The following SZT2 variants were observed in gnomAD, a reference collection of about 807,000 sequenced individuals.
The protein encoded by SZT2 is SZT2 subunit of KICSTOR complex.
A neutral mutation model predicts 404.2 loss-of-function variants in SZT2; 216 were observed. The ratio of observed to expected loss-of-function variants is 0.53; its 90% CI spans 0.48 to 0.60. The LOEUF (loss-of-function observed/expected upper bound fraction) is 0.60. Among genes scored for constraint, SZT2 ranks in the 20% least tolerant of loss-of-function variants. The pLI is 0.00. For missense variants in SZT2, 3,857 were observed against 4,459.2 expected (o/e 0.86, Z 3.85); for synonymous variants, 1,693 against 1,749.9 (o/e 0.97, Z 0.81).
chr1:43,426,133 T>C lies in SZT2; in HGVS notation c.3025T>C (p.Phe1009Leu), dbSNP rs927765995. 6.2e-7 allele frequency: 1 copy of C among 1,614,188 alleles called. No homozygotes were observed. The highest frequency in any genetic ancestry group is 8.5e-7 in the Non-Finnish European group (1 of 1,180,020). Reference protein sequence around the residue: ...LPQCQQLQMFFLLLAREPEGV... With the variant: ...LPQCQQLQMFLLLLAREPEGV... ...ACAGTGCCAGCAGCTCCAGATGTTC[T>C]TCCTCTTGCTTGCCAGAGGTAGGTG... The change falls in exon 21 of 72, where the codon TTC becomes CTC. Residue 1009 changes from phenylalanine (F) to leucine (L), a missense_variant. Coordinates refer to ENST00000634258, the MANE Select transcript of SZT2 (RefSeq NM_001365999.1). This position sits in a 1 kb window ranked among gnomAD's most constrained non-coding sequence, Gnocchi z 4.9.
In SZT2 at chr1:43,431,244, A is replaced by G. The variant is rs775217688; in HGVS notation, c.4917-21A>G. On this transcript the variant is annotated intron_variant, in intron 33 of 71. Coordinates refer to ENST00000634258, the MANE Select transcript of SZT2 (RefSeq NM_001365999.1). ...GTAGGATAGTAACTCCTGACCTTTG[A>G]CTTGTTCCCACCCTGTTCAGGTCAA... 10 of 1,587,464 alleles carry G rather than the reference A, an allele frequency of 6.3e-6. No individual in the cohort carries two copies. In the South Asian group the frequency reaches 1.0e-4, roughly 17 times the overall value.
At position 43,416,595 on chromosome 1, in the gene SZT2, T is replaced by C; in HGVS notation, c.833T>C (p.Leu278Pro). The C allele has an allele frequency of 6.3e-7, 1 of 1,598,376 alleles. No individual in the cohort carries two copies. Among genetic ancestry groups the C allele is most frequent in the South Asian group, 1.1e-5 (1 of 91,042 alleles). Reference sequence around the variant, plus strand: ...CCTGATGTTGCTGTCTGTGAGACACTGCTGAACCAGCTTCGCAGTGGCACT... The same window carrying C: ...CCTGATGTTGCTGTCTGTGAGACACCGCTGAACCAGCTTCGCAGTGGCACT... ...SVPDVAVCET[L>P]LNQLRSGTVA... Residue 278 changes from leucine (L) to proline (P), a missense_variant, in exon 7 of 72, where the codon CTG becomes CCG. Physicochemically the swap from Leu to Pro is moderately conservative, Grantham distance 98 (BLOSUM62 -3). Transcript: ENST00000634258.
At position 43,452,972 on chromosome 1, in the gene SZT2, C is replaced by T; in HGVS notation, c.*2492C>T. The T allele has an allele frequency of 1.2e-6, 2 of 1,608,278 alleles. No individual in the cohort carries two copies. The highest frequency in any genetic ancestry group is 2.2e-5 in the South Asian group (2 of 89,850). The stretch of plus-strand genomic sequence containing the variant: ...TGCCACAGCACCCTTGCAAGGAACA[C>T]TCAACTTCCTGCCCATCAAGCAATG... On this transcript the variant is annotated 3_prime_UTR_variant, in exon 72 of 72. Coordinates refer to ENST00000634258, the MANE Select transcript of SZT2 (RefSeq NM_001365999.1).
In SZT2 at chr1:43,431,243, G is replaced by A. The variant is rs566043429; in HGVS notation, c.4917-22G>A. The A allele has an allele frequency of 6.4e-5, 102 of 1,587,646 alleles. 1 individual carries two copies. In the South Asian group the frequency reaches 1.0e-3, roughly 16 times the overall value. On this transcript the variant is annotated intron_variant, in intron 33 of 71. Transcript: ENST00000634258. ...GGTAGGATAGTAACTCCTGACCTTT[G>A]ACTTGTTCCCACCCTGTTCAGGTCA...
chr1:43,437,393 G>C lies in SZT2; in HGVS notation c.6188-13G>C. On this transcript the variant is annotated splice_polypyrimidine_tract_variant and intron_variant, in intron 43 of 71. Transcript: ENST00000634258. This position sits in a 1 kb window ranked among gnomAD's most constrained non-coding sequence, Gnocchi z 5.3. ...GGAAAAGGCAGTTTCCTGAGCCCATGTTATTCCCCCAGCCATCCAGGCCCT... is the reference window on the plus strand; with the variant it reads ...GGAAAAGGCAGTTTCCTGAGCCCATCTTATTCCCCCAGCCATCCAGGCCCT... 6.2e-7 allele frequency: 1 copy of C among 1,614,138 alleles called. No individual in the cohort carries two copies. Among genetic ancestry groups the C allele is most frequent in the South Asian group, 1.1e-5 (1 of 91,072 alleles).
chr1:43,403,905 A>G (rs1456707631), intron 3 of SZT2, 131 bp downstream of exon 3: 1 of 1,042,842 alleles, frequency 9.6e-7, no homozygotes, highest in Non-Finnish European at 1.4e-6. Context: ...TAAAGGAATG[A>G]TGGGTGTTTA....
At chr1:43,390,212 C>T (rs1648117478) in intron 1 of SZT2, among the ~76,000 whole-genome samples, 1 of 152,218 alleles carries the variant, frequency 6.6e-6, no homozygotes, top group Admixed American at 6.5e-5. Context: ...AGTAACTGTT[C>T]GCTTTGTTTT....
At chr1:43,394,205 TC>T in intron 1 of SZT2, 39 of 255,720 alleles carry the variant, frequency 1.5e-4, no homozygotes, top group Non-Finnish European at 2.4e-4. Context: ...GCCCATCAAC[TC>T]TTTTTTTTTT....
chr1:43,418,894 A>G (rs1557538064), intron 7 of SZT2, among the ~76,000 whole-genome samples: 1 of 152,226 alleles, frequency 6.6e-6, no homozygotes, highest in Admixed American at 6.5e-5. Context: ...GTATGTAATC[A>G]GTGGGTTATG....
At position 43,451,932 on chromosome 1, in the gene SZT2, T is replaced by G. The variant is rs902948476; in HGVS notation, c.*1452T>G. The G allele has an allele frequency of 1.9e-6, 3 of 1,612,730 alleles. No individual in the cohort carries two copies. The highest frequency in any genetic ancestry group is 4.5e-5 in the East Asian group (2 of 44,824). On this transcript the variant is annotated 3_prime_UTR_variant, in exon 72 of 72. Coordinates refer to ENST00000634258, the MANE Select transcript of SZT2 (RefSeq NM_001365999.1). The stretch of plus-strand genomic sequence containing the variant: ...AGAAGGAGAGACAGGGCTGGGGTCG[T>G]ACCCTGCTGGGGCGTGTCCAGGAAG...
In SZT2 at chr1:43,451,930, C is replaced by A. The variant is rs111686948; in HGVS notation, c.*1450C>A. The stretch of plus-strand genomic sequence containing the variant: ...ACAGAAGGAGAGACAGGGCTGGGGT[C>A]GTACCCTGCTGGGGCGTGTCCAGGA... On this transcript the variant is annotated 3_prime_UTR_variant, in exon 72 of 72. Coordinates refer to ENST00000634258, the MANE Select transcript of SZT2 (RefSeq NM_001365999.1). The A allele has an allele frequency of 1.2e-6, 2 of 1,612,424 alleles. No individual in the cohort carries two copies. Among genetic ancestry groups the A allele is most frequent in the African/African-American group, 2.7e-5 (2 of 74,878 alleles).
chr1:43,453,725 C>G lies in SZT2; in HGVS notation c.*3245C>G. 1 of 1,390,658 alleles carries G rather than the reference C, an allele frequency of 7.2e-7. No homozygotes were observed. Among genetic ancestry groups the G allele is most frequent in the East Asian group, 3.0e-5 (1 of 33,164 alleles). The allele number at this position is 1,390,658 out of a possible 1,614,324, so 86.1% of individuals were successfully genotyped here. A position where few individuals can be genotyped will look rare whatever the true frequency, so the allele number is the denominator to read the frequency against. ...AGCCCGAGCTGCCCGCGGCCCGCAC[C>G]CGCGCGGGGAGGCCGGAGAGCTCGG... On this transcript the variant is annotated 3_prime_UTR_variant, in exon 72 of 72. Transcript: ENST00000634258.
At position 43,441,749 on chromosome 1, in the gene SZT2, T is replaced by C; in HGVS notation, c.7673T>C (p.Leu2558Pro). 1.2e-6 allele frequency: 2 copies of C among 1,614,210 alleles called. No homozygotes were observed. The highest frequency in any genetic ancestry group is 1.7e-6 in the Non-Finnish European group (2 of 1,180,038). Residue 2558 changes from leucine to proline, a missense_variant, in exon 55 of 72, where the codon CTG becomes CCG. Leu to Pro is a moderately conservative substitution (Grantham distance 98). Around this residue, in one of 7 missense-constraint regions of SZT2, gnomAD observed 573 missense variants for 592.4 expected, o/e 0.97. Transcript: ENST00000634258. The surrounding 1 kb of genome is among the most constrained non-coding windows in gnomAD (Gnocchi z 4.8). ...MVSRFLLPSI[L>P]SEFTALVTSM... is the part of the protein sequence containing the mutation. ...TCCCGGTTCCTCCTTCCATCCATCC[T>C]GTCTGAGTTCACCGCACTGGTCACC...
Position 43,442,684 on chromosome 1 carries a change from C to T in SZT2, c.8151+66C>T, listed in dbSNP as rs1188319990. On this transcript the variant is annotated intron_variant, in intron 58 of 71. Coordinates refer to ENST00000634258, the MANE Select transcript of SZT2 (RefSeq NM_001365999.1). This position sits in a 1 kb window ranked among gnomAD's most constrained non-coding sequence, Gnocchi z 4.5. The stretch of plus-strand genomic sequence containing the variant: ...AGGGGTCAGTTAAAGGAAAAACCAG[C>T]TCAGAAGCCAGAAAGATGGGACAGA... The T allele has an allele frequency of 6.5e-7, 1 of 1,535,680 alleles. No homozygotes were observed. The highest frequency in any genetic ancestry group is 8.7e-7 in the Non-Finnish European group (1 of 1,143,036).
rs754901709 is a variant in SZT2, at chr1:43,422,439, G to A, written c.1770-41G>A. 5 of 1,527,102 alleles carry A rather than the reference G, an allele frequency of 3.3e-6. No individual in the cohort carries two copies. The South Asian group carries it at 3.8e-5, about 12-fold the overall frequency. 94.6% of individuals were successfully genotyped at this position (1,527,102 alleles called of 1,614,324 possible). Reference sequence around the variant, plus strand: ...AGTCTATTCCTTTTCTCCAAGCCTGGGGCCTGGAGGTCTAACCTCAGTCCA... The same window carrying A: ...AGTCTATTCCTTTTCTCCAAGCCTGAGGCCTGGAGGTCTAACCTCAGTCCA... On this transcript the variant is annotated intron_variant, in intron 12 of 71. Coordinates refer to ENST00000634258, the MANE Select transcript of SZT2 (RefSeq NM_001365999.1).
chr1:43,403,335 C>T (rs1200234402), intron 2 of SZT2, 33 bp downstream of exon 2: 3 of 1,604,188 alleles, frequency 1.9e-6, no homozygotes, highest in Admixed American at 1.7e-5. Flanking sequence ...GTGTGAGGGG[C>T]CAGCCCAGAA....
At position 43,442,164 on chromosome 1, in the gene SZT2, T is replaced by C; in HGVS notation, c.7873+34T>C. On this transcript the variant is annotated intron_variant, in intron 56 of 71. Transcript: ENST00000634258. The surrounding 1 kb of genome is among the most constrained non-coding windows in gnomAD (Gnocchi z 4.5). ...ATGGCCCGGGGGGGCGGGGGGCGGG[T>C]AGGCTAAGAGTAACTGGTGGGGTCT... 1 of 787,406 alleles carries C rather than the reference T, an allele frequency of 1.3e-6. No homozygotes were observed. The highest frequency in any genetic ancestry group is 2.1e-6 in the Non-Finnish European group (1 of 487,352). 48.8% of individuals were successfully genotyped at this position (787,406 alleles called of 1,614,324 possible). A position where few individuals can be genotyped will look rare whatever the true frequency, so the allele number is the denominator to read the frequency against.
In SZT2 at chr1:43,447,537, T is replaced by C. The variant is rs183871754; in HGVS notation, c.9287-8T>C. On this transcript the variant is annotated splice_polypyrimidine_tract_variant and splice_region_variant and intron_variant, in intron 66 of 71. Coordinates refer to ENST00000634258, the MANE Select transcript of SZT2 (RefSeq NM_001365999.1). Reference sequence around the variant, plus strand: ...AGTGTCTGCTGTCTCCTGTTACTTATCCCTCAGGGACATTGGAGCTCCCCA... The same window carrying C: ...AGTGTCTGCTGTCTCCTGTTACTTACCCCTCAGGGACATTGGAGCTCCCCA... The C allele has an allele frequency of 2.2e-5, 35 of 1,613,236 alleles. No homozygotes were observed. The Admixed American group carries it at 3.5e-4, about 16-fold the overall frequency.
intron 12 of SZT2, 71 bp downstream of exon 12, chr1:43,422,296 A>G: frequency 6.6e-7 from 1 of 1,515,482 alleles, no homozygotes; most frequent in African/African-American, 1.4e-5. Flanking sequence ...AATGATGGGA[A>G]GGGGAGCAGC....
Sources: allele counts gnomAD v4.1 joint callset (sites outside exome capture counted in the v4.1 genomes callset), GRCh38; gene constraint gnomAD v4.1.1; regional missense constraint gnomAD v4.1.1; non-coding constraint Gnocchi (gnomAD v3.1); transcripts MANE v1.5; gene names NCBI Gene and HGNC (gene_info 2026-07-23, HGNC 2026-07-21).